The following XYLT1 variants were observed in gnomAD, a reference collection of about 807,000 sequenced individuals.
The protein encoded by XYLT1 is xylosyltransferase 1, also known as beta-D-xylosyltransferase 1.
A neutral mutation model predicts 91.3 loss-of-function variants in XYLT1; 36 were observed. That is an observed-to-expected ratio of 0.39 (90% confidence interval 0.30 to 0.52). The LOEUF is 0.52. Ranked by LOEUF, XYLT1 falls within the 20% of genes least tolerant of loss-of-function variation. The pLI is 0.68. For synonymous variants in XYLT1, 588 were observed against 532.0 expected, an observed-to-expected ratio of 1.11 and a Z score of -1.45; for missense variants, 1,242 against 1,284.5, an observed-to-expected ratio of 0.97 and a Z score of 0.51.
intron 2 of XYLT1, among the ~76,000 whole-genome samples, chr16:17,309,207 T>C (rs1028239045): frequency 6.6e-6 from 1 of 152,140 alleles, no homozygotes; most frequent in African/African-American, 2.4e-5. Flanking sequence ...CTATGCAGTG[T>C]AGGATGTTGA....
At chr16:17,223,820 A>G (rs574418700) in intron 3 of XYLT1, among the ~76,000 whole-genome samples, 33 of 152,378 alleles carry the variant, frequency 2.2e-4, no homozygotes, top group Non-Finnish European at 4.4e-4. Flanking sequence ...CCCACTGGCT[A>G]CAGTTTACCC....
intron 2 of XYLT1, among the ~76,000 whole-genome samples, chr16:17,277,714 G>A (rs142685119): frequency 2.0e-5 from 3 of 152,198 alleles, no homozygotes; most frequent in South Asian, 2.1e-4. Flanking sequence ...TTATGTTCAC[G>A]TGTACTCAAT....
chr16:17,359,592 C>T (rs1447265095), intron 1 of XYLT1, among the ~76,000 whole-genome samples: 1 of 152,134 alleles, frequency 6.6e-6, no homozygotes, highest in Non-Finnish European at 1.5e-5. Flanking sequence ...AAGGAAACTG[C>T]CAAGAGAACA....
chr16:17,280,699 T>C (rs561803231), intron 2 of XYLT1, among the ~76,000 whole-genome samples: 4 of 152,370 alleles, frequency 2.6e-5, no homozygotes, highest in Admixed American at 1.3e-4. Flanking sequence ...TTTTAGTTAA[T>C]ACGTATGTGT....
chr16:17,108,929 G>A lies in XYLT1; in HGVS notation c.2646C>T (p.Pro882=). 4.4e-6 allele frequency: 7 copies of A among 1,599,264 alleles called. No individual in the cohort carries two copies. Among genetic ancestry groups the A allele is most frequent in the Non-Finnish European group, 6.0e-6 (7 of 1,169,076 alleles). Residue 882 remains proline, a synonymous_variant, in exon 12 of 12, where the codon CCC becomes CCT. Transcript: ENST00000261381. ...CCTGTTCCACCTGGGCGGGGTTGATGGGCAGGCTGAGGACGGGGTTTAGGC... is the reference window on the plus strand; with the variant it reads ...CCTGTTCCACCTGGGCGGGGTTGATAGGCAGGCTGAGGACGGGGTTTAGGC... ...FQSLNPVLSL[P]INPAQVEQAR... is the part of the protein sequence containing the mutation.
intron 2 of XYLT1, among the ~76,000 whole-genome samples, chr16:17,339,907 C>T (rs1269100608): frequency 6.6e-6 from 1 of 151,916 alleles, no homozygotes; most frequent in African/African-American, 2.4e-5. Flanking sequence ...CATCACCTAT[C>T]CATCCATCCA....
chr16:17,429,118 G>A (rs545369265), intron 1 of XYLT1, among the ~76,000 whole-genome samples: 1 of 152,322 alleles, frequency 6.6e-6, no homozygotes, highest in Non-Finnish European at 1.5e-5. Flanking sequence ...AGGGGGAAAG[G>A]AGCAACATAC....
intron 6 of XYLT1, among the ~76,000 whole-genome samples, chr16:17,157,979 C>T (rs1364347889): frequency 2.0e-5 from 3 of 152,156 alleles, no homozygotes; most frequent in Admixed American, 6.5e-5. Context: ...AAACTCCTGA[C>T]CTCATGATCT....
intron 1 of XYLT1, among the ~76,000 whole-genome samples, chr16:17,458,407 T>G (rs946911537): frequency 1.3e-5 from 2 of 152,220 alleles, no homozygotes; most frequent in Middle Eastern, 3.4e-3. Flanking sequence ...AAGACGCACA[T>G]GAAATGTCCA....
chr16:17,137,244 T>TCGTTTC (rs2030767559), intron 8 of XYLT1, among the ~76,000 whole-genome samples: 1 of 152,062 alleles, frequency 6.6e-6, no homozygotes, highest in Non-Finnish European at 1.5e-5. Context: ...CTCCATGCCT[T>TCGTTTC]CGTTTCCTTA....
At chr16:17,301,694 G>A (rs2034397377) in intron 2 of XYLT1, among the ~76,000 whole-genome samples, 1 of 152,118 alleles carries the variant, frequency 6.6e-6, no homozygotes, top group Non-Finnish European at 1.5e-5. Flanking sequence ...CAGTGCGAAG[G>A]CGTTTCATCA....
chr16:17,230,436 C>T (rs1420971452), intron 3 of XYLT1, among the ~76,000 whole-genome samples: 2 of 152,184 alleles, frequency 1.3e-5, no homozygotes, highest in African/African-American at 4.8e-5. Context: ...AACAGCATTT[C>T]CTGATATTGG....
At chr16:17,333,946 A>T (rs1333382153) in intron 2 of XYLT1, among the ~76,000 whole-genome samples, 1 of 152,124 alleles carries the variant, frequency 6.6e-6, no homozygotes, top group Non-Finnish European at 1.5e-5. Flanking sequence ...TTAGGAGGTG[A>T]TCAGGCCAGA....
At chr16:17,375,439 A>AT (rs1348735346) in intron 1 of XYLT1, among the ~76,000 whole-genome samples, 3 of 147,442 alleles carry the variant, frequency 2.0e-5, no homozygotes, top group Non-Finnish European at 3.0e-5. Flanking sequence ...TGCAAAAAAA[A>AT]AAATAAAATT....
rs1410532330 is a variant in XYLT1 at position 17,102,025 on chromosome 16, T to C, written c.*6670A>G. 3 of 152,224 alleles carry C rather than the reference T, an allele frequency of 2.0e-5. No individual in the cohort carries two copies. The highest frequency in any genetic ancestry group is 7.2e-5 in the African/African-American group (3 of 41,462). 9.4% of individuals were successfully genotyped at this position (152,224 alleles called of 1,614,324 possible). A position where few individuals can be genotyped will look rare whatever the true frequency, so the allele number is the denominator to read the frequency against. On this transcript the variant is annotated 3_prime_UTR_variant, in exon 12 of 12. Coordinates refer to ENST00000261381, the MANE Select transcript of XYLT1 (RefSeq NM_022166.4). Reference sequence around the variant, plus strand: ...ACTCAGTACGGGTTTAAAAATCATATACTTCTGCCTCAACCAGGAGGTACT... The same window carrying C: ...ACTCAGTACGGGTTTAAAAATCATACACTTCTGCCTCAACCAGGAGGTACT...
chr16:17,195,897 C>A (rs13330680), intron 5 of XYLT1, among the ~76,000 whole-genome samples: 85,602 of 152,156 alleles, frequency 0.56, 26,949 homozygotes, highest in African/African-American at 0.84. Context: ...TGCACTACTT[C>A]GAATGTAGCA....
chr16:17,136,194 C>T (rs2141510340), intron 8 of XYLT1, among the ~76,000 whole-genome samples: 1 of 152,290 alleles, frequency 6.6e-6, no homozygotes, highest in Non-Finnish European at 1.5e-5. Flanking sequence ...TCCCATTTTA[C>T]AGATGAGAAA....
chr16:17,269,904 C>A (rs375567384), intron 2 of XYLT1, among the ~76,000 whole-genome samples: 2 of 151,646 alleles, frequency 1.3e-5, no homozygotes, highest in African/African-American at 4.9e-5. Flanking sequence ...CTCCGCCTCC[C>A]GGGTTCAAGC....
At chr16:17,141,090 G>T in intron 7 of XYLT1, 63 bp downstream of exon 7, 1 of 1,531,162 alleles carries the variant, frequency 6.5e-7, no homozygotes, top group Non-Finnish European at 8.9e-7. Context: ...TTCAGCATCT[G>T]CTTTGCCACA....
Sources: allele counts gnomAD v4.1 joint callset (sites outside exome capture counted in the v4.1 genomes callset), GRCh38; gene constraint gnomAD v4.1.1; transcripts MANE v1.5; gene names NCBI Gene and HGNC (gene_info 2026-07-23, HGNC 2026-07-21).